The following IL17RD variants were observed in gnomAD, a reference collection of about 807,000 sequenced individuals.
The protein encoded by IL17RD is interleukin 17 receptor D.
IL17RD carries 52 observed loss-of-function variants against 80.5 expected under a neutral mutation model. That is an observed-to-expected ratio of 0.65 (90% confidence interval 0.52 to 0.81). The LOEUF (loss-of-function observed/expected upper bound fraction) is 0.81, where lower values mean the gene tolerates loss of function less well. Ranked by LOEUF, IL17RD falls within the 40% of genes least tolerant of loss-of-function variation. The pLI is 0.00. For synonymous variants in IL17RD, 416 were observed against 391.8 expected (o/e 1.06, Z -0.73); for missense variants, 1,024 against 955.1 (o/e 1.07, Z -0.95).
At chr3:57,107,427 G>A (rs766858823) in intron 5 of IL17RD, among the ~76,000 whole-genome samples, 1 of 152,036 alleles carries the variant, frequency 6.6e-6, no homozygotes, top group Non-Finnish European at 1.5e-5. Context: ...TAACTGCTGC[G>A]TAGAAAACAA....
chr3:57,105,552 A>AAAAAAAAAAAAAAAAAAAAAAAAT, intron 7 of IL17RD, among the ~76,000 whole-genome samples: 7 of 63,586 alleles, frequency 1.1e-4, no homozygotes, highest in Non-Finnish European at 1.9e-4. Context: ...AAAAAAAAAA[A>AAAAAAAAAAAAAAAAAAAAAAAAT]ATATATATAT....
intron 1 of IL17RD, among the ~76,000 whole-genome samples, chr3:57,158,101 A>G (rs1373334075): frequency 1.3e-5 from 2 of 152,268 alleles, no homozygotes; most frequent in African/African-American, 4.8e-5. Flanking sequence ...ATATCCATCC[A>G]AACATTTTAA....
chr3:57,109,293 G>A (rs1302834579), intron 5 of IL17RD, among the ~76,000 whole-genome samples: 7 of 151,860 alleles, frequency 4.6e-5, no homozygotes, highest in African/African-American at 1.7e-4. Context: ...GATTACAGGC[G>A]CCTGCCACCA....
rs1706595974 is a variant in IL17RD at position 57,093,110 on chromosome 3, C to T, written c.*3283G>A. On this transcript the variant is annotated 3_prime_UTR_variant, in exon 13 of 13. Coordinates refer to ENST00000296318, the MANE Select transcript of IL17RD (RefSeq NM_017563.5). ...GGGGCGCTTCAGTTTGCCACAGTCC[C>T]CACCATTCCCTATTGCTGACACAGA... 6.6e-6 allele frequency: 1 copy of T among 152,130 alleles called. No homozygotes were observed. The highest frequency in any genetic ancestry group is 2.4e-5 in the African/African-American group (1 of 41,414). 9.4% of individuals were successfully genotyped at this position (152,130 alleles called of 1,614,324 possible).
chr3:57,144,446 G>A (rs1339877971), intron 1 of IL17RD, among the ~76,000 whole-genome samples: 1 of 152,162 alleles, frequency 6.6e-6, no homozygotes, highest in Non-Finnish European at 1.5e-5. Context: ...GCCCACGACA[G>A]GATGCCAGTG....
At chr3:57,147,120 A>T (rs1707950021) in intron 1 of IL17RD, among the ~76,000 whole-genome samples, 1 of 151,882 alleles carries the variant, frequency 6.6e-6, no homozygotes, top group African/African-American at 2.4e-5. Flanking sequence ...CATAGGCTTA[A>T]CCCACCTGGC....
intron 1 of IL17RD, among the ~76,000 whole-genome samples, chr3:57,133,751 AG>A (rs1707661953): frequency 6.6e-6 from 1 of 152,206 alleles, no homozygotes; most frequent in South Asian, 2.1e-4. Flanking sequence ...CAGACGCAGC[AG>A]ATGGAACAGC....
chr3:57,104,128 A>G (rs1197670660), intron 8 of IL17RD, among the ~76,000 whole-genome samples: 1 of 152,142 alleles, frequency 6.6e-6, no homozygotes, highest in African/African-American at 2.4e-5. Flanking sequence ...TATGGACCAT[A>G]TGATTACATA....
At chr3:57,153,597 A>C (rs1224775136) in intron 1 of IL17RD, among the ~76,000 whole-genome samples, 1 of 152,262 alleles carries the variant, frequency 6.6e-6, no homozygotes, top group Non-Finnish European at 1.5e-5. Context: ...CATTAAAAGG[A>C]CAAGTGAGGT....
At chr3:57,111,650 A>G (rs546921231) in intron 3 of IL17RD, among the ~76,000 whole-genome samples, 2 of 152,324 alleles carry the variant, frequency 1.3e-5, no homozygotes, top group East Asian at 3.9e-4. Context: ...TACCATTAAC[A>G]GCCATACATC....
intron 1 of IL17RD, among the ~76,000 whole-genome samples, chr3:57,148,468 T>A (rs17216893): frequency 1.3e-5 from 2 of 152,106 alleles, no homozygotes; most frequent in Non-Finnish European, 1.5e-5. Context: ...CTCACGAAAT[T>A]TTTTGTTACC....
At chr3:57,148,715 A>G (rs560629775) in intron 1 of IL17RD, among the ~76,000 whole-genome samples, 2 of 152,302 alleles carry the variant, frequency 1.3e-5, no homozygotes, top group South Asian at 4.1e-4. Flanking sequence ...CAGGAAGTTT[A>G]TGCCTAATTG....
chr3:57,161,487 A>G (rs2060304692), intron 1 of IL17RD, among the ~76,000 whole-genome samples: 1 of 152,238 alleles, frequency 6.6e-6, no homozygotes, highest in Non-Finnish European at 1.5e-5. Flanking sequence ...ATTTCATTGT[A>G]AAGATGATGC....
rs571635905 is a variant in IL17RD at position 57,148,301 on chromosome 3, G to A, written c.126+16860C>T. Among the ~76,000 whole-genome samples the A allele has an allele frequency of 5.3e-5, 8 of 150,230 alleles. No homozygotes were observed. The East Asian group carries it at 1.6e-3, about 29-fold the overall frequency. On this transcript the variant is annotated intron_variant, in intron 1 of 12. Coordinates refer to ENST00000296318, the MANE Select transcript of IL17RD (RefSeq NM_017563.5). ...GATGGTGCCACTGCACTCCAGCCTG[G>A]GCAACAGAGCGAGACTCTATCTCAA... is the stretch of plus-strand genomic sequence containing the variant.
chr3:57,143,876 G>A (rs369727800), intron 1 of IL17RD, among the ~76,000 whole-genome samples: 5 of 152,146 alleles, frequency 3.3e-5, no homozygotes, highest in Admixed American at 1.3e-4. Flanking sequence ...AGAACACAGC[G>A]TTACAACTCA....
rs914346308 is a variant in IL17RD at position 57,090,390 on chromosome 3, G to A, written c.*6003C>T. ...TGGACTCACCATGCTTTTTTCTTGA[G>A]AGAAACATACCAAACTTTTTGTTGT... On this transcript the variant is annotated 3_prime_UTR_variant, in exon 13 of 13. Transcript: ENST00000296318. 6.5e-6 allele frequency: 1 copy of A among 153,064 alleles called. No homozygotes were observed. The highest frequency in any genetic ancestry group is 6.5e-5 in the Admixed American group (1 of 15,300). 9.5% of individuals were successfully genotyped at this position (153,064 alleles called of 1,614,324 possible).
At chr3:57,134,403 C>T in intron 1 of IL17RD, 1 of 714,832 alleles carries the variant, frequency 1.4e-6, no homozygotes, top group Non-Finnish European at 2.6e-6. Context: ...TGCCCAAATG[C>T]CAGGGAACGT....
upstream of IL17RD, among the ~76,000 whole-genome samples, chr3:57,168,085 G>A (rs2060355520): frequency 6.6e-6 from 1 of 152,164 alleles, no homozygotes; most frequent in African/African-American, 2.4e-5. Context: ...GCCTGCCTCA[G>A]CCTCACAAAG....
At chr3:57,129,467 C>T (rs181030191) in intron 1 of IL17RD, among the ~76,000 whole-genome samples, 5 of 152,122 alleles carry the variant, frequency 3.3e-5, no homozygotes, top group Admixed American at 1.3e-4. Context: ...AGAGGTGCAC[C>T]GAATTGTGCT....
Sources: allele counts gnomAD v4.1 joint callset (sites outside exome capture counted in the v4.1 genomes callset), GRCh38; gene constraint gnomAD v4.1.1; transcripts MANE v1.5; gene names NCBI Gene and HGNC (gene_info 2026-07-23, HGNC 2026-07-21).